The following MTUS2 variants were observed in gnomAD, a reference collection of about 807,000 sequenced individuals.
MTUS2 encodes microtubule-associated tumor suppressor candidate 2.
A neutral mutation model predicts 114.1 loss-of-function variants in MTUS2; 40 were observed. The observed-to-expected ratio is 0.35, with a 90% CI of 0.27 to 0.46. The LOEUF is 0.46. Among genes scored for constraint, MTUS2 ranks in the 20% least tolerant of loss-of-function variants. The probability of loss-of-function intolerance (pLI) is 1.00; values close to 1 mark genes in which losing one functional copy is unlikely to be tolerated. For missense variants in MTUS2, 1,679 were observed against 1,705.4 expected, an observed-to-expected ratio of 0.98 and a Z score of 0.27; for synonymous variants, 688 against 672.0, an observed-to-expected ratio of 1.02 and a Z score of -0.37.
rs374839148 is a variant in MTUS2 at position 29,033,912 on chromosome 13, T to C, written c.2233T>C (p.Phe745Leu). 1.5e-4 allele frequency: 234 copies of C among 1,613,516 alleles called. No homozygotes were observed. The highest frequency in any genetic ancestry group is 1.8e-4 in the Non-Finnish European group (217 of 1,179,804). Residue 745 changes from phenylalanine to leucine, a missense_variant, in exon 4 of 16, where the codon TTT becomes CTT. Around this residue, in one of 3 missense-constraint regions of MTUS2, gnomAD observed 822 missense variants for 899.7 expected, o/e 0.91. Coordinates refer to ENST00000612955, the MANE Select transcript of MTUS2 (RefSeq NM_001033602.4). ...TACAGACCACCCTGGAAAAGAAGAG[T>C]TTTGTTCTCCTCCCTATGCTCATTA... Reference protein sequence around the residue: ...EVTDHPGKEEFCSPPYAHYEV... With the variant: ...EVTDHPGKEELCSPPYAHYEV...
intron 1 of MTUS2, among the ~76,000 whole-genome samples, 174 bp downstream of exon 1, chr13:28,820,785 C>G (rs1205881707): frequency 6.6e-6 from 1 of 152,218 alleles, no homozygotes; most frequent in Non-Finnish European, 1.5e-5. Flanking sequence ...CCCACATCAC[C>G]TGCTCTGGCT....
At chr13:29,312,001 C>G (rs772919349) in intron 6 of MTUS2, among the ~76,000 whole-genome samples, 54 of 152,172 alleles carry the variant, frequency 3.5e-4, no homozygotes, top group Non-Finnish European at 7.1e-4. Flanking sequence ...TCTCCCTGAC[C>G]TGCTGTCCCT....
intron 6 of MTUS2, among the ~76,000 whole-genome samples, chr13:29,318,859 A>G (rs1900133560): frequency 6.6e-6 from 1 of 152,138 alleles, no homozygotes; most frequent in Admixed American, 6.5e-5. Flanking sequence ...TTGCTACACT[A>G]TGGCGAAACA....
intron 2 of MTUS2, among the ~76,000 whole-genome samples, chr13:28,875,936 A>T (rs576925135): frequency 1.3e-5 from 2 of 152,188 alleles, no homozygotes; most frequent in Non-Finnish European, 2.9e-5. Flanking sequence ...CATTGATGAG[A>T]CTTGGCTGGG....
intron 4 of MTUS2, among the ~76,000 whole-genome samples, chr13:29,068,873 G>A (rs2138676911): frequency 6.6e-6 from 1 of 152,284 alleles, no homozygotes; most frequent in African/African-American, 2.4e-5. Context: ...TATCCTAAGA[G>A]CAAGATGGTG....
chr13:28,962,183 A>G (rs1459236641), intron 2 of MTUS2, among the ~76,000 whole-genome samples: 1 of 152,006 alleles, frequency 6.6e-6, no homozygotes, highest in Admixed American at 6.5e-5. Flanking sequence ...GTACTAGCTT[A>G]CATGATGGGA....
intron 2 of MTUS2, among the ~76,000 whole-genome samples, chr13:28,944,769 G>A (rs1882429395): frequency 6.6e-6 from 1 of 152,132 alleles, no homozygotes; most frequent in Non-Finnish European, 1.5e-5. Context: ...TCCACACTAA[G>A]CACTGTATTT....
rs1299987912 is a variant in MTUS2 at position 28,900,296 on chromosome 13, CTGTGTGTGTGTGTGTA to C, written c.-243+60458_-243+60473del. On this transcript the variant is annotated intron_variant, in intron 2 of 15. Transcript: ENST00000612955. Reference sequence around the variant, plus strand: ...ATTCTCCCACCAGTTTTACCTGTAGCTGTGTGTGTGTGTGTATGTGTGTGTGTTCCATGCAGTCTAA... The same window carrying C: ...ATTCTCCCACCAGTTTTACCTGTAGCTGTGTGTGTGTTCCATGCAGTCTAA... Among the ~76,000 whole-genome samples the C allele has an allele frequency of 1.6e-4, 24 of 151,428 alleles. 1 individual carries two copies. In the East Asian group the frequency reaches 4.4e-3, roughly 28 times the overall value.
At chr13:29,264,251 G>A (rs990558092) in intron 5 of MTUS2, among the ~76,000 whole-genome samples, 3 of 152,260 alleles carry the variant, frequency 2.0e-5, no homozygotes, top group Admixed American at 6.5e-5. Context: ...GGGCACACTA[G>A]TGCATGGGGT....
intron 5 of MTUS2, among the ~76,000 whole-genome samples, chr13:29,199,484 G>A (rs747172482): frequency 6.6e-6 from 1 of 152,134 alleles, no homozygotes; most frequent in Non-Finnish European, 1.5e-5. Context: ...TTATGTGATG[G>A]ATTAGGTTTA....
intron 6 of MTUS2, among the ~76,000 whole-genome samples, chr13:29,322,930 A>G (rs1286138880): frequency 6.6e-6 from 1 of 152,178 alleles, no homozygotes; most frequent in Admixed American, 6.5e-5. Flanking sequence ...GCTTAACTAA[A>G]TGAATCGATT....
chr13:29,339,506 T>TG, intron 7 of MTUS2: 1 of 153,014 alleles, frequency 6.5e-6, no homozygotes, highest in Non-Finnish European at 1.5e-5. Context: ...ATCTGGGGCC[T>TG]GGGGGGAGGT....
chr13:29,222,727 C>A (rs1895956190), intron 5 of MTUS2, among the ~76,000 whole-genome samples: 1 of 152,200 alleles, frequency 6.6e-6, no homozygotes, highest in Admixed American at 6.5e-5. Flanking sequence ...GGCTGTGGAC[C>A]CAGGCATCTC....
chr13:28,894,378 A>G (rs1017803875), intron 2 of MTUS2, among the ~76,000 whole-genome samples: 1 of 143,956 alleles, frequency 6.9e-6, no homozygotes. Flanking sequence ...GAGAGAACAG[A>G]GCTCACTGTC....
At chr13:29,074,092 C>A (rs1889072255) in intron 4 of MTUS2, among the ~76,000 whole-genome samples, 1 of 152,108 alleles carries the variant, frequency 6.6e-6, no homozygotes, top group Non-Finnish European at 1.5e-5. Context: ...GCCCATCTTC[C>A]ACATAGCAAA....
chr13:29,403,280 T>G (rs1356220590), intron 8 of MTUS2, among the ~76,000 whole-genome samples: 2 of 152,196 alleles, frequency 1.3e-5, no homozygotes, highest in African/African-American at 4.8e-5. Context: ...TCAGCAGCTC[T>G]TACCCTCCTG....
chr13:29,264,719 T>C (rs1220269712), intron 5 of MTUS2, among the ~76,000 whole-genome samples: 4 of 152,222 alleles, frequency 2.6e-5, no homozygotes, highest in African/African-American at 9.6e-5. Context: ...CCTGGGACCC[T>C]TTGAGCCAAG....
intron 2 of MTUS2, among the ~76,000 whole-genome samples, chr13:28,884,318 T>C (rs898279505): frequency 6.6e-6 from 1 of 152,132 alleles, no homozygotes; most frequent in Non-Finnish European, 1.5e-5. Flanking sequence ...GCACAAATAT[T>C]GTATGATTCT....
intron 2 of MTUS2, among the ~76,000 whole-genome samples, chr13:28,893,640 T>C (rs966333168): frequency 5.3e-5 from 8 of 152,180 alleles, no homozygotes; most frequent in Admixed American, 5.2e-4. Context: ...AACAGAAGCA[T>C]CCCATGAAGA....
Sources: allele counts gnomAD v4.1 joint callset (sites outside exome capture counted in the v4.1 genomes callset), GRCh38; gene constraint gnomAD v4.1.1; regional missense constraint gnomAD v4.1.1; transcripts MANE v1.5; gene names NCBI Gene and HGNC (gene_info 2026-07-23, HGNC 2026-07-21).